The following NECAB2 variants were observed in gnomAD, a reference collection of about 807,000 sequenced individuals.
NECAB2 encodes N-terminal EF-hand calcium-binding protein 2.
In NECAB2, 68 loss-of-function variants were observed where a neutral mutation model predicts 51.9. The observed-to-expected ratio is 1.31, with a 90% CI of 1.08 to 1.60. The LOEUF is 1.60. Among genes scored for constraint, NECAB2 ranks in the 40% most tolerant of loss-of-function variants. The pLI, the probability that NECAB2 is intolerant of heterozygous loss-of-function variation, is 0.00. For synonymous variants in NECAB2, 329 were observed against 203.5 expected (o/e 1.62, Z -5.25); for missense variants, 854 against 490.3 (o/e 1.74, Z -7.00).
intron 9 of NECAB2, 42 bp from the exon 10 acceptor site, chr16:83,998,163 C>T: frequency 6.3e-7 from 1 of 1,578,432 alleles, no homozygotes; most frequent in Non-Finnish European, 8.6e-7. Context: ...AGGGAGAAGG[C>T]CTGACGTGGA....
chr16:83,988,774 C>G (rs2084586329), intron 5 of NECAB2, among the ~76,000 whole-genome samples: 1 of 152,184 alleles, frequency 6.6e-6, no homozygotes, highest in Non-Finnish European at 1.5e-5. Flanking sequence ...AATTTCTCCA[C>G]CTGAGCCTTT....
At chr16:83,966,714 G>A (rs1325820741), upstream of NECAB2, among the ~76,000 whole-genome samples, 3 of 152,184 alleles carry the variant, frequency 2.0e-5, no homozygotes, top group Non-Finnish European at 4.4e-5. Flanking sequence ...AGAGTCCCCA[G>A]CCCAGGACAG....
chr16:83,974,561 C>G (rs1452604709), intron 2 of NECAB2, among the ~76,000 whole-genome samples: 1 of 152,148 alleles, frequency 6.6e-6, no homozygotes, highest in Non-Finnish European at 1.5e-5. Flanking sequence ...CTTGAATGTG[C>G]TTTTTCCTTT....
intron 5 of NECAB2, 26 bp downstream of exon 5, chr16:83,981,153 G>GATCCA: frequency 6.4e-7 from 1 of 1,570,278 alleles, no homozygotes; most frequent in South Asian, 1.1e-5. Context: ...TGGCCCCCGG[G>GATCCA]GTCCAGGGCT....
intron 1 of NECAB2, 42 bp downstream of exon 1, chr16:83,968,891 G>T (rs1201505927): frequency 9.3e-7 from 1 of 1,072,228 alleles, no homozygotes; most frequent in Admixed American, 5.3e-5. Flanking sequence ...GGCCTCCGCT[G>T]GGACCCGGAG....
intron 2 of NECAB2, among the ~76,000 whole-genome samples, chr16:83,976,313 C>G (rs1476818396): frequency 6.6e-6 from 1 of 152,212 alleles, no homozygotes; most frequent in African/African-American, 2.4e-5. Context: ...CAAGCTTCAG[C>G]TGTAGGACCT....
At chr16:83,984,056 CACA>C (rs2084521353) in intron 5 of NECAB2, among the ~76,000 whole-genome samples, 1 of 146,768 alleles carries the variant, frequency 6.8e-6, no homozygotes, top group African/African-American at 2.5e-5. Flanking sequence ...AGTGCAGTGG[CACA>C]GTCCCAGCTC....
At chr16:83,992,422 T>G (rs1452948724) in intron 6 of NECAB2, among the ~76,000 whole-genome samples, 2 of 136,726 alleles carry the variant, frequency 1.5e-5, no homozygotes, top group East Asian at 2.2e-4. Context: ...AGAAAAACCC[T>G]TCTTTGCTCA....
chr16:83,965,487 G>C (rs773745484), upstream of NECAB2: 1 of 1,610,220 alleles, frequency 6.2e-7, no homozygotes, highest in African/African-American at 1.3e-5. Context: ...CTCTACGCCC[G>C]CCACTACAAC....
Position 84,002,744 on chromosome 16 carries a change from G to A in NECAB2, c.*398G>A, listed in dbSNP as rs3880. 87,061 of 227,344 alleles carry A rather than the reference G, an allele frequency of 0.38. 17,082 individuals are homozygous for A. The highest frequency in any genetic ancestry group is 0.41 in the Non-Finnish European group (46,129 of 113,674). 14.1% of individuals were successfully genotyped at this position (227,344 alleles called of 1,614,324 possible). On this transcript the variant is annotated 3_prime_UTR_variant, in exon 13 of 13. Coordinates refer to ENST00000305202, the MANE Select transcript of NECAB2 (RefSeq NM_019065.3). Reference sequence around the variant, plus strand: ...AACCTAGCCAGGTAGCCACCACTGTGCCCAGGCGCCAAATAAACCCTGGTT... The same window carrying A: ...AACCTAGCCAGGTAGCCACCACTGTACCCAGGCGCCAAATAAACCCTGGTT...
rs2084854918 is a variant in NECAB2 at position 84,002,340 on chromosome 16, G to A, written c.1155G>A (p.Arg385=). The part of the protein sequence containing the change: ...LVPAAWCTVG[R]D ...TAGCTGCTTGGTGCACGGTGGGACG[G>A]GACTGACAGCCTCCCAGAGGCCCGT... The change falls in exon 13 of 13, where the codon CGG becomes CGA. Residue 385 remains arginine, a synonymous_variant. Coordinates refer to ENST00000305202, the MANE Select transcript of NECAB2 (RefSeq NM_019065.3). 1 of 1,613,940 alleles carries A rather than the reference G, an allele frequency of 6.2e-7. No individual in the cohort carries two copies. Among genetic ancestry groups the A allele is most frequent in the Non-Finnish European group, 8.5e-7 (1 of 1,179,942 alleles).
intron 10 of NECAB2, 106 bp from the exon 11 acceptor site, chr16:84,000,618 G>C (rs970770100): frequency 1.2e-6 from 1 of 800,970 alleles, no homozygotes; most frequent in Non-Finnish European, 2.1e-6. Flanking sequence ...AACATTGAAG[G>C]CAGCCGTTGT....
Position 84,001,942 on chromosome 16 carries a change from AGTGGCCACCTGACT to A in NECAB2, c.1132+28_1132+41del, listed in dbSNP as rs766941793. The A allele has an allele frequency of 2.1e-5, 34 of 1,607,320 alleles. No individual in the cohort carries two copies. The South Asian group carries it at 3.8e-4, about 18-fold the overall frequency. ...GTAGGGGGCAAAGGCCTGGAACTGC[AGTGGCCACCTGACT>A]GGAGAGAAGGGCAAGAGCCTAGAGG... is the stretch of plus-strand genomic sequence containing the variant. On this transcript the variant is annotated intron_variant, in intron 12 of 12. Coordinates refer to ENST00000305202, the MANE Select transcript of NECAB2 (RefSeq NM_019065.3).
intron 6 of NECAB2, chr16:83,993,626 G>C (rs1445744414): frequency 3.8e-5 from 4 of 106,290 alleles, no homozygotes; most frequent in Non-Finnish European, 7.2e-5. Flanking sequence ...TGAGCTGTGT[G>C]TGTGTGTGTG....
chr16:83,984,460 C>T (rs1004898076), intron 5 of NECAB2, among the ~76,000 whole-genome samples: 10 of 151,962 alleles, frequency 6.6e-5, no homozygotes, highest in East Asian at 1.9e-4. Flanking sequence ...CGGTGGCTCA[C>T]GCCTGTAATT....
intron 6 of NECAB2, among the ~76,000 whole-genome samples, chr16:83,991,453 G>A (rs1472836628): frequency 1.5e-5 from 2 of 136,030 alleles, no homozygotes; most frequent in Admixed American, 7.8e-5. Flanking sequence ...TGCAACGTCC[G>A]CCTCCCAGGT....
chr16:83,973,744 G>T (rs1245117270), intron 2 of NECAB2, among the ~76,000 whole-genome samples: 2 of 152,014 alleles, frequency 1.3e-5, no homozygotes, highest in Non-Finnish European at 2.9e-5. Flanking sequence ...GTAGGTCCTC[G>T]GTAAATGTCT....
intron 5 of NECAB2, among the ~76,000 whole-genome samples, chr16:83,984,453 T>C (rs1366048318): frequency 6.6e-6 from 1 of 151,014 alleles, no homozygotes; most frequent in Non-Finnish European, 1.5e-5. Flanking sequence ...CCGCTCACGG[T>C]GGCTCACGCC....
intron 1 of NECAB2, chr16:83,971,933 G>A (rs918346213): frequency 3.4e-5 from 21 of 621,130 alleles, no homozygotes; most frequent in Admixed American, 8.8e-5. Flanking sequence ...ACTGGCAGCC[G>A]CTTCCACGTG....
Sources: gnomAD v4.1 joint callset for allele counts (sites outside exome capture counted in the v4.1 genomes callset) on GRCh38, gnomAD v4.1.1 for gene constraint, MANE v1.5 for transcripts, NCBI Gene and HGNC (gene_info 2026-07-23, HGNC 2026-07-21) for gene names.